Variants in LIN52 observed in about 807,000 individuals in gnomAD.
LIN52 encodes protein lin-52 homolog.
In LIN52, 4 loss-of-function variants were observed where a neutral mutation model predicts 18.5. The observed-to-expected ratio is 0.22, with a 90% CI of 0.11 to 0.49. The LOEUF is 0.49. LIN52 is among the 20% of genes least tolerant of loss of function. LIN52 has a pLI of 0.97. For synonymous variants in LIN52, 34 were observed against 45.5 expected, an observed-to-expected ratio of 0.75 and a Z score of 1.02; for missense variants, 102 against 139.5, an observed-to-expected ratio of 0.73 and a Z score of 1.35.
intron 5 of LIN52, among the ~76,000 whole-genome samples, chr14:74,167,384 A>G (rs1028396013): frequency 9.9e-5 from 15 of 152,156 alleles, no homozygotes; most frequent in African/African-American, 3.6e-4. Flanking sequence ...TCCTAGCATC[A>G]AGGAAGATAT....
chr14:74,146,582 T>G (rs1287779615), intron 5 of LIN52, among the ~76,000 whole-genome samples: 1 of 152,180 alleles, frequency 6.6e-6, no homozygotes, highest in East Asian at 1.9e-4. Context: ...AAGACTTGAA[T>G]TCAGGTACTA....
intron 5 of LIN52, among the ~76,000 whole-genome samples, chr14:74,178,523 T>C (rs942998790): frequency 6.6e-6 from 1 of 151,794 alleles, no homozygotes; most frequent in African/African-American, 2.4e-5. Flanking sequence ...AGTGGTGCGA[T>C]TTTGGCTCAC....
chr14:74,097,753 C>A, intron 3 of LIN52, 41 bp from the exon 4 acceptor site: 1 of 1,437,004 alleles, frequency 7.0e-7, no homozygotes, highest in Non-Finnish European at 9.8e-7. Flanking sequence ...GGTCTCCTCA[C>A]ACTTTTTATG....
At chr14:74,130,874 C>A (rs1395702698) in intron 5 of LIN52, among the ~76,000 whole-genome samples, 1 of 152,088 alleles carries the variant, frequency 6.6e-6, no homozygotes, top group Non-Finnish European at 1.5e-5. Context: ...GCATGACCCA[C>A]CGTGCCCGGC....
intron 5 of LIN52, among the ~76,000 whole-genome samples, chr14:74,113,436 A>C (rs967272591): frequency 7.2e-5 from 11 of 152,052 alleles, no homozygotes; most frequent in African/African-American, 2.7e-4. Context: ...AAAGAACACA[A>C]AGATGGGTAG....
chr14:74,186,507 C>A (rs980129924), intron 5 of LIN52, among the ~76,000 whole-genome samples: 1 of 151,700 alleles, frequency 6.6e-6, no homozygotes, highest in Admixed American at 6.6e-5. Context: ...TGGTTGCTCA[C>A]ACCTTTAATC....
chr14:74,193,306 TAGG>T (rs2139596909), intron 5 of LIN52, among the ~76,000 whole-genome samples: 1 of 151,922 alleles, frequency 6.6e-6, no homozygotes, highest in South Asian at 2.1e-4. Flanking sequence ...CACAACTACT[TAGG>T]AGGCTGAGGC....
rs543013833 is a variant in LIN52, at chr14:74,149,647, A to G, written c.283+48409A>G. ...TTCAAAACACATTCCATGCAATCAG[A>G]TAAGAAAGAATGATATAAAAATGCC... On this transcript the variant is annotated intron_variant, in intron 5 of 5. Transcript: ENST00000555028. Among the ~76,000 whole-genome samples, 14 of 152,340 alleles carry G rather than the reference A, an allele frequency of 9.2e-5. No individual in the cohort carries two copies. The East Asian group carries it at 2.7e-3, about 29-fold the overall frequency.
intron 5 of LIN52, among the ~76,000 whole-genome samples, chr14:74,158,080 G>A (rs1227102978): frequency 6.6e-6 from 1 of 150,998 alleles, no homozygotes; most frequent in Admixed American, 6.6e-5. Flanking sequence ...GACAATTAAG[G>A]TGTCTATGCT....
chr14:74,157,492 G>A (rs1307305954), intron 5 of LIN52, among the ~76,000 whole-genome samples: 1 of 149,124 alleles, frequency 6.7e-6, no homozygotes, highest in African/African-American at 2.5e-5. Flanking sequence ...TTAGAGACAG[G>A]GTCTCACTCT....
intron 5 of LIN52, among the ~76,000 whole-genome samples, chr14:74,173,512 A>G (rs940599380): frequency 2.6e-5 from 4 of 152,220 alleles, no homozygotes; most frequent in African/African-American, 9.6e-5. Flanking sequence ...TTACAGCAAC[A>G]TTAATCTTTC....
chr14:74,177,684 G>A (rs909789091), intron 5 of LIN52, among the ~76,000 whole-genome samples: 3 of 152,210 alleles, frequency 2.0e-5, no homozygotes, highest in African/African-American at 7.2e-5. Flanking sequence ...GATGTATTGT[G>A]AATTCATTTA....
intron 5 of LIN52, among the ~76,000 whole-genome samples, chr14:74,102,037 A>G: frequency 6.6e-6 from 1 of 152,084 alleles, no homozygotes; most frequent in South Asian, 2.1e-4. Flanking sequence ...AGCCTTCCAA[A>G]GTGCTGGGAT....
At chr14:74,176,300 C>T (rs1361271458) in intron 5 of LIN52, among the ~76,000 whole-genome samples, 10 of 151,990 alleles carry the variant, frequency 6.6e-5, no homozygotes, top group African/African-American at 1.7e-4. Flanking sequence ...TTAGTAGAGA[C>T]GGGGTTTCAC....
chr14:74,163,932 G>A (rs757888378), intron 5 of LIN52, among the ~76,000 whole-genome samples: 11 of 151,842 alleles, frequency 7.2e-5, no homozygotes, highest in Non-Finnish European at 1.5e-4. Context: ...AAAACACAAT[G>A]GTTACTCAAC....
Position 74,091,322 on chromosome 14 carries a change from C to T in LIN52, c.94+16C>T. 1 of 1,571,472 alleles carries T rather than the reference C, an allele frequency of 6.4e-7. No homozygotes were observed. The highest frequency in any genetic ancestry group is 8.7e-7 in the Non-Finnish European group (1 of 1,144,398). On this transcript the variant is annotated intron_variant, in intron 2 of 5. Transcript: ENST00000555028. ...CCAGAACAATGTAAGTTTTTGCCTT[C>T]TTTATATCAGAGTCAATGCAGGAGA...
chr14:74,153,502 A>G (rs536813158), intron 5 of LIN52, among the ~76,000 whole-genome samples: 1 of 152,116 alleles, frequency 6.6e-6, no homozygotes, highest in Admixed American at 6.5e-5. Flanking sequence ...ATTTATAAAC[A>G]TGTTGTCTTT....
intron 5 of LIN52, among the ~76,000 whole-genome samples, chr14:74,130,278 G>GTGTTTTTTTTTTTTTTTTTTTTTT (rs1566856480): frequency 1.4e-4 from 9 of 64,842 alleles, no homozygotes; most frequent in Admixed American, 2.2e-4. Flanking sequence ...GCATTTTTTG[G>GTGTTTTTTTTTTTTTTTTTTTTTT]TTTTTTTTTT....
At position 74,199,032 on chromosome 14, in the gene LIN52, G is replaced by A; in HGVS notation, c.*55G>A. ...TCCGAAACCAAGCTCCCTTCCCGGT[G>A]CACCTCTAACAATGCACACCTCACT... On this transcript the variant is annotated 3_prime_UTR_variant, in exon 6 of 6. Transcript: ENST00000555028. 7.8e-7 allele frequency: 1 copy of A among 1,279,642 alleles called. No homozygotes were observed. The highest frequency in any genetic ancestry group is 1.1e-6 in the Non-Finnish European group (1 of 878,584). 79.3% of individuals were successfully genotyped at this position (1,279,642 alleles called of 1,614,324 possible). A position where few individuals can be genotyped will look rare whatever the true frequency, so the allele number is the denominator to read the frequency against.
Sources: gnomAD v4.1 joint callset for allele counts (sites outside exome capture counted in the v4.1 genomes callset) on GRCh38, gnomAD v4.1.1 for gene constraint, MANE v1.5 for transcripts, NCBI Gene and HGNC (gene_info 2026-07-23, HGNC 2026-07-21) for gene names.